ELAPOR2: variants seen among roughly 807,000 people sequenced by gnomAD.
The protein encoded by ELAPOR2 is endosome-lysosome associated apoptosis and autophagy regulator family member 2, also known as endosome/lysosome-associated apoptosis and autophagy regulator family member 2.
A neutral mutation model predicts 120.7 loss-of-function variants in ELAPOR2; 89 were observed. The observed-to-expected ratio is 0.74, with a 90% CI of 0.62 to 0.88. The LOEUF is 0.88. Among genes scored for constraint, ELAPOR2 ranks in the 40% least tolerant of loss-of-function variants. The probability of loss-of-function intolerance (pLI) is 0.00; values close to 1 mark genes in which losing one functional copy is unlikely to be tolerated. For missense variants in ELAPOR2, 1,134 were observed against 1,251.6 expected (o/e 0.91, Z 1.42); for synonymous variants, 444 against 444.9 (o/e 1.00, Z 0.03).
At chr7:86,953,859 TACCTA>T (rs1390565491) in intron 2 of ELAPOR2, among the ~76,000 whole-genome samples, 1 of 152,186 alleles carries the variant, frequency 6.6e-6, no homozygotes, top group East Asian at 1.9e-4. Context: ...CACAATAGTT[TACCTA>T]AGCACCCAGT....
At chr7:87,033,628 C>T (rs564818476) in intron 1 of ELAPOR2, among the ~76,000 whole-genome samples, 11 of 151,798 alleles carry the variant, frequency 7.2e-5, no homozygotes, top group Middle Eastern at 3.4e-3. Flanking sequence ...AATAAATGGG[C>T]GAACTTAAGA....
chr7:86,955,973 A>C (rs1209477977), intron 2 of ELAPOR2, among the ~76,000 whole-genome samples: 1 of 151,940 alleles, frequency 6.6e-6, no homozygotes, highest in East Asian at 1.9e-4. Flanking sequence ...AAAAAAGGAA[A>C]AGAAAAGAAA....
At position 86,966,557 on chromosome 7, in the gene ELAPOR2, C is replaced by T. The variant is rs190504593; in HGVS notation, c.190-1533G>A. 8.5e-4 allele frequency among the ~76,000 whole-genome samples: 129 copies of T among 152,286 alleles called. 1 individual carries two copies. Among genetic ancestry groups the T allele is most frequent in the Admixed American group, 1.5e-3 (23 of 15,294 alleles). ...CCTCAAAATTCTCCCAGCCTCTGCC[C>T]ATTATCCAGTTCTAAAGCCACATTC... On this transcript the variant is annotated intron_variant, in intron 1 of 21. Coordinates refer to ENST00000450689, the MANE Select transcript of ELAPOR2 (RefSeq NM_001142749.3).
At chr7:86,905,013 G>C (rs1211342162) in intron 18 of ELAPOR2, among the ~76,000 whole-genome samples, 1 of 150,174 alleles carries the variant, frequency 6.7e-6, no homozygotes, top group Non-Finnish European at 1.5e-5. Flanking sequence ...TCTTAAAGCT[G>C]AAAGAATGAA....
rs190438348 is a variant in ELAPOR2 at position 86,962,149 on chromosome 7, C to A, written c.310+2755G>T. 1.4e-4 allele frequency among the ~76,000 whole-genome samples: 21 copies of A among 152,252 alleles called. No individual in the cohort carries two copies. In the East Asian group the frequency reaches 4.0e-3, roughly 29 times the overall value. On this transcript the variant is annotated intron_variant, in intron 2 of 21. Coordinates refer to ENST00000450689, the MANE Select transcript of ELAPOR2 (RefSeq NM_001142749.3). ...GCCTTGCAGCCAGATCTTATGTAAT[C>A]TTTAAAAAACAAATATATAATATAG...
intron 2 of ELAPOR2, among the ~76,000 whole-genome samples, chr7:86,958,253 GA>G (rs1791556907): frequency 6.6e-6 from 1 of 152,148 alleles, no homozygotes; most frequent in Non-Finnish European, 1.5e-5. Context: ...TTTATAAAGG[GA>G]GGGGGAAAGG....
chr7:86,881,033 A>G (rs1265196083), intron 21 of ELAPOR2, among the ~76,000 whole-genome samples: 4 of 152,226 alleles, frequency 2.6e-5, no homozygotes, highest in Non-Finnish European at 5.9e-5. Context: ...TTTTAGGTAT[A>G]TGCCTATTAA....
chr7:87,013,812 C>T (rs1394434692), intron 1 of ELAPOR2, among the ~76,000 whole-genome samples: 1 of 152,108 alleles, frequency 6.6e-6, no homozygotes, highest in East Asian at 1.9e-4. Context: ...TCCATATTTG[C>T]AAATTTTACT....
intron 1 of ELAPOR2, 76 bp downstream of exon 1, chr7:87,059,249 A>T: frequency 8.1e-7 from 1 of 1,239,414 alleles, no homozygotes; most frequent in South Asian, 4.2e-5. Context: ...ACAGAAATAA[A>T]CAGGAACCGC....
Position 87,006,838 on chromosome 7 carries a change from G to A in ELAPOR2, c.190-41814C>T, listed in dbSNP as rs563238109. On this transcript the variant is annotated intron_variant, in intron 1 of 21. Coordinates refer to ENST00000450689, the MANE Select transcript of ELAPOR2 (RefSeq NM_001142749.3). ...ATCAACAGAAAAATAGGTAAATTGT[G>A]GTACAGTTATACAAGGGAACACTGC... Among the ~76,000 whole-genome samples, 75 of 152,184 alleles carry A rather than the reference G, an allele frequency of 4.9e-4. 1 individual carries two copies. The highest frequency in any genetic ancestry group is 7.4e-5 in the Non-Finnish European group (5 of 68,002).
At chr7:87,012,558 A>T (rs958846215) in intron 1 of ELAPOR2, among the ~76,000 whole-genome samples, 13 of 152,200 alleles carry the variant, frequency 8.5e-5, no homozygotes, top group Non-Finnish European at 1.6e-4. Context: ...TGCATTTAGG[A>T]CAGGCATTAC....
intron 1 of ELAPOR2, among the ~76,000 whole-genome samples, chr7:86,986,385 C>T (rs1435695090): frequency 2.7e-5 from 3 of 111,988 alleles, no homozygotes; most frequent in East Asian, 4.5e-4. Context: ...GCCGAGATCC[C>T]GCCACTGCAC....
intron 3 of ELAPOR2, among the ~76,000 whole-genome samples, chr7:86,947,440 T>C (rs1008331551): frequency 6.6e-6 from 1 of 152,192 alleles, no homozygotes; most frequent in Non-Finnish European, 1.5e-5. Flanking sequence ...AAAAGGTTAG[T>C]AGAAACACCA....
intron 1 of ELAPOR2, among the ~76,000 whole-genome samples, chr7:86,973,944 C>T (rs1340305423): frequency 6.6e-6 from 1 of 152,020 alleles, no homozygotes; most frequent in African/African-American, 2.4e-5. Context: ...AAGATAGCTA[C>T]CACTTTATAA....
At chr7:86,957,504 G>T (rs970623687) in intron 2 of ELAPOR2, among the ~76,000 whole-genome samples, 7 of 151,850 alleles carry the variant, frequency 4.6e-5, no homozygotes, top group Non-Finnish European at 1.0e-4. Context: ...TTCTATAGTT[G>T]AAAAAAGTGT....
intron 1 of ELAPOR2, among the ~76,000 whole-genome samples, chr7:87,047,000 T>C (rs764015231): frequency 7.2e-5 from 11 of 151,976 alleles, no homozygotes; most frequent in African/African-American, 1.2e-4. Context: ...CATAGACCAA[T>C]GGGAACAGAA....
intron 1 of ELAPOR2, among the ~76,000 whole-genome samples, chr7:87,035,912 G>A (rs1794573038): frequency 6.6e-6 from 1 of 152,136 alleles, no homozygotes; most frequent in South Asian, 2.1e-4. Flanking sequence ...CAACTCATTA[G>A]GAATCCTTCT....
chr7:86,983,290 C>T (rs921743009), intron 1 of ELAPOR2, among the ~76,000 whole-genome samples: 3 of 152,188 alleles, frequency 2.0e-5, no homozygotes, highest in Non-Finnish European at 2.9e-5. Context: ...AGAACATCCC[C>T]AACCTAGCAA....
At chr7:86,966,234 G>T (rs1416717712) in intron 1 of ELAPOR2, among the ~76,000 whole-genome samples, 1 of 152,050 alleles carries the variant, frequency 6.6e-6, no homozygotes, top group Non-Finnish European at 1.5e-5. Flanking sequence ...CCACAATTCT[G>T]CTAAGCTTTC....
Sources: gnomAD v4.1 joint callset for allele counts (sites outside exome capture counted in the v4.1 genomes callset) on GRCh38, gnomAD v4.1.1 for gene constraint, MANE v1.5 for transcripts, NCBI Gene and HGNC (gene_info 2026-07-23, HGNC 2026-07-21) for gene names.